Variants in UNC93A observed in about 807,000 individuals in gnomAD.
UNC93A encodes the protein unc-93 homolog A.
A neutral mutation model predicts 47.5 loss-of-function variants in UNC93A; 43 were observed. That is an observed-to-expected ratio of 0.91 (90% CI 0.71 to 1.17). The LOEUF is 1.17. Among genes scored for constraint, UNC93A ranks in the 50% most tolerant of loss-of-function variants. The pLI, the probability that UNC93A is intolerant of heterozygous loss-of-function variation, is 0.00. For synonymous variants in UNC93A, 280 were observed against 258.0 expected (o/e 1.09, Z -0.82); for missense variants, 605 against 577.6 (o/e 1.05, Z -0.49).
At chr6:167,269,561 A>C (rs1212658425), upstream of UNC93A, among the ~76,000 whole-genome samples, 1 of 151,972 alleles carries the variant, frequency 6.6e-6, no homozygotes, top group Non-Finnish European at 1.5e-5. Flanking sequence ...GGGAAGGAAA[A>C]AGCTTTATAT....
chr6:167,276,091 G>A (rs1783538691), intron 1 of UNC93A, among the ~76,000 whole-genome samples: 1 of 140,582 alleles, frequency 7.1e-6, no homozygotes, highest in Middle Eastern at 3.7e-3. Flanking sequence ...TCACACATAT[G>A]AGTGAGAACG....
chr6:167,285,958 C>CTA (rs1169319593), intron 1 of UNC93A, among the ~76,000 whole-genome samples: 9 of 141,964 alleles, frequency 6.3e-5, no homozygotes, highest in African/African-American at 1.8e-4. Context: ...CTCTCTCTCT[C>CTA]TCTATATATA....
Position 167,315,231 on chromosome 6 carries a change from G to A in UNC93A, c.1153G>A (p.Ala385Thr), listed in dbSNP as rs757173458. ...TGAGAAGAGCAAGGAAGCTGCCTTCGCCAATTACCGCCTGTGGGAGGCCCT... is the reference window on the plus strand; with the variant it reads ...TGAGAAGAGCAAGGAAGCTGCCTTCACCAATTACCGCCTGTGGGAGGCCCT... ...LFEKSKEAAF[A>T]NYRLWEALGF... The change falls in exon 8 of 8, where the codon GCC becomes ACC. Residue 385 changes from alanine to threonine, a missense_variant. Physicochemically the swap from Ala to Thr is moderately conservative, Grantham distance 58. Coordinates refer to ENST00000230256, the MANE Select transcript of UNC93A (RefSeq NM_018974.4). The A allele has an allele frequency of 6.1e-5, 99 of 1,613,618 alleles. No homozygotes were observed. The highest frequency in any genetic ancestry group is 8.1e-5 in the Non-Finnish European group (95 of 1,179,868).
chr6:167,296,093 C>A lies in UNC93A; in HGVS notation c.331C>A (p.Gln111Lys), dbSNP rs752540487. Reference protein sequence around the residue: ...GLGAAPLWSAQCTYLTITGNT... With the variant: ...GLGAAPLWSAKCTYLTITGNT... ...CGGGGCCGCCCCGCTGTGGTCTGCA[C>A]AGTGCACATACCTCACGATCACGGG... The change falls in exon 3 of 8, where the codon CAG (glutamine) becomes AAG (lysine). Residue 111 changes from glutamine (Q) to lysine (K), a missense_variant. Physicochemically the swap from Gln to Lys is moderately conservative, Grantham distance 53. Coordinates refer to ENST00000230256, the MANE Select transcript of UNC93A (RefSeq NM_018974.4). The A allele has an allele frequency of 6.2e-7, 1 of 1,614,236 alleles. No individual in the cohort carries two copies. Among genetic ancestry groups the A allele is most frequent in the Non-Finnish European group, 8.5e-7 (1 of 1,180,052 alleles).
intron 4 of UNC93A, among the ~76,000 whole-genome samples, chr6:167,302,295 A>G (rs1199814508): frequency 1.3e-5 from 2 of 152,130 alleles, no homozygotes; most frequent in African/African-American, 4.8e-5. Flanking sequence ...TGATGCTGAG[A>G]GAGAAAGCAC....
intron 4 of UNC93A, among the ~76,000 whole-genome samples, chr6:167,300,519 A>C (rs1436529410): frequency 6.6e-6 from 1 of 152,180 alleles, no homozygotes; most frequent in Non-Finnish European, 1.5e-5. Context: ...GATGCCCATC[A>C]GGCGAGCAAC....
chr6:167,293,802 C>A (rs569711635), intron 1 of UNC93A, among the ~76,000 whole-genome samples: 6 of 152,308 alleles, frequency 3.9e-5, no homozygotes, highest in African/African-American at 9.6e-5. Flanking sequence ...CTCCTTTCAC[C>A]CTTTCTGGCT....
At chr6:167,287,520 T>C (rs6900441), upstream of UNC93A, among the ~76,000 whole-genome samples, 2,917 of 152,286 alleles carry the variant, frequency 0.019, 106 homozygotes, top group African/African-American at 0.067. Context: ...TGGAGACCCC[T>C]GGCCCTTTTA....
chr6:167,296,204 T>G lies in UNC93A; in HGVS notation c.442T>G (p.Ser148Ala), dbSNP rs1778083567. The G allele has an allele frequency of 4.3e-6, 7 of 1,614,142 alleles. No homozygotes were observed. Among genetic ancestry groups the G allele is most frequent in the Non-Finnish European group, 5.9e-6 (7 of 1,180,034 alleles). ...FGIFFLIFQS[S>A]GVWGNLISSL... The stretch of plus-strand genomic sequence containing the variant: ...CATCTTCTTCCTCATATTCCAGTCA[T>G]CCGGTGTGTGGGGCAACTTGATCTC... The change falls in exon 3 of 8, where the codon TCC becomes GCC. Residue 148 changes from serine (S) to alanine (A), a missense_variant. Ser to Ala is a moderately conservative substitution (Grantham distance 99). Transcript: ENST00000230256.
At chr6:167,273,927 C>T (rs560890286) in intron 1 of UNC93A, among the ~76,000 whole-genome samples, 1 of 151,996 alleles carries the variant, frequency 6.6e-6, no homozygotes, top group Non-Finnish European at 1.5e-5. Flanking sequence ...TAGAGAGAAT[C>T]GATGGTAAAT....
Position 167,297,955 on chromosome 6 carries a change from A to G in UNC93A, c.510A>G (p.Pro170=), listed in dbSNP as rs753103536. The change falls in exon 4 of 8, where the codon CCA becomes CCG. Residue 170 remains proline, a synonymous_variant. Coordinates refer to ENST00000230256, the MANE Select transcript of UNC93A (RefSeq NM_018974.4). ...ACTCTGACTTCATAGAGACCCTTCCAGAAGAGCAGCTCACGTCCTGTGGGG... is the reference window on the plus strand; with the variant it reads ...ACTCTGACTTCATAGAGACCCTTCCGGAAGAGCAGCTCACGTCCTGTGGGG... ...FGQTPSQETL[P]EEQLTSCGAS... The G allele has an allele frequency of 1.9e-6, 3 of 1,614,000 alleles. No homozygotes were observed. In the East Asian group the frequency reaches 6.7e-5, roughly 36 times the overall value.
At chr6:167,292,948 C>G (rs1394219094) in intron 1 of UNC93A, among the ~76,000 whole-genome samples, 1 of 152,186 alleles carries the variant, frequency 6.6e-6, no homozygotes, top group African/African-American at 2.4e-5. Flanking sequence ...TCCTAGGAAC[C>G]AGTTCTGGTG....
At chr6:167,289,637 G>A (rs188841482), upstream of UNC93A, among the ~76,000 whole-genome samples, 2,820 of 151,886 alleles carry the variant, frequency 0.019, 63 homozygotes, top group African/African-American at 0.065. Context: ...TCTGGAAACA[G>A]CCCCCAGAGC....
chr6:167,305,644 C>T (rs969727834), intron 5 of UNC93A, among the ~76,000 whole-genome samples: 1 of 152,132 alleles, frequency 6.6e-6, no homozygotes, highest in African/African-American at 2.4e-5. Context: ...TAAAATAGTG[C>T]CCATTTCACA....
chr6:167,314,676 G>C (rs1446523213), intron 7 of UNC93A, among the ~76,000 whole-genome samples: 3 of 149,924 alleles, frequency 2.0e-5, no homozygotes, highest in Non-Finnish European at 4.4e-5. Context: ...ATGCAGATCT[G>C]ATTGTTTCCT....
In UNC93A at chr6:167,307,928, G is replaced by A. The variant is rs775911706; in HGVS notation, c.1108+18G>A. The A allele has an allele frequency of 7.4e-6, 12 of 1,612,454 alleles. No homozygotes were observed. The highest frequency in any genetic ancestry group is 1.0e-5 in the Non-Finnish European group (12 of 1,179,206). ...AAACAATGGTGAGTCCCCAGCCCAG[G>A]CCCCTTCCTCTGTGGCAGCAGGGGG... On this transcript the variant is annotated intron_variant, in intron 7 of 7. Transcript: ENST00000230256.
chr6:167,294,043 A>G (rs967021095), intron 1 of UNC93A, among the ~76,000 whole-genome samples: 2 of 152,120 alleles, frequency 1.3e-5, no homozygotes, highest in Non-Finnish European at 2.9e-5. Flanking sequence ...CGGGCGATGG[A>G]TATTTGGTGA....
chr6:167,278,769 G>A (rs61296430), intron 1 of UNC93A, among the ~76,000 whole-genome samples: 6,912 of 152,124 alleles, frequency 0.045, 289 homozygotes, highest in African/African-American at 0.1. Flanking sequence ...GGGAGACCTC[G>A]CCTTCTCAGG....
Position 167,315,287 on chromosome 6 carries a change from G to A in UNC93A, c.1209G>A (p.Met403Ile), listed in dbSNP as rs9459921. ...LGFVIAFGYS[M>I]FLCVHVKLYI... The stretch of plus-strand genomic sequence containing the variant: ...TCGTCATTGCCTTCGGGTACAGCAT[G>A]TTTTTGTGCGTGCACGTCAAGCTCT... The change falls in exon 8 of 8, where the codon ATG becomes ATA. Residue 403 changes from methionine (M) to isoleucine (I), a missense_variant. Coordinates refer to ENST00000230256, the MANE Select transcript of UNC93A (RefSeq NM_018974.4). The A allele has an allele frequency of 0.22, 338,627 of 1,555,788 alleles. 36,254 individuals carry two copies. The highest frequency in any genetic ancestry group is 0.34 in the South Asian group (30,143 of 88,604).
Sources: gnomAD v4.1 joint callset for allele counts (sites outside exome capture counted in the v4.1 genomes callset) on GRCh38, gnomAD v4.1.1 for gene constraint, MANE v1.5 for transcripts, NCBI Gene and HGNC (gene_info 2026-07-23, HGNC 2026-07-21) for gene names.